MRPS6: variants seen among roughly 807,000 people sequenced by gnomAD.
The protein encoded by MRPS6 is mitochondrial ribosomal protein S6.
MRPS6 carries 6 observed loss-of-function variants against 13.1 expected under a neutral mutation model. The observed-to-expected ratio is 0.46, with a 90% confidence interval of 0.25 to 0.91. MRPS6 has a LOEUF of 0.91. Ranked by LOEUF, MRPS6 falls within the 40% of genes least tolerant of loss-of-function variation. The pLI is 0.18. For missense variants in MRPS6, 164 were observed against 155.6 expected (o/e 1.05, Z -0.29); for synonymous variants, 61 against 56.5 (o/e 1.08, Z -0.36).
intron 1 of MRPS6, among the ~76,000 whole-genome samples, chr21:34,089,774 C>T (rs1978589228): frequency 6.6e-6 from 1 of 152,182 alleles, no homozygotes; most frequent in South Asian, 2.1e-4. Flanking sequence ...CAGAATACAG[C>T]TTCAGCACCA....
chr21:34,084,994 C>T lies in MRPS6; in HGVS notation c.45+11249C>T, dbSNP rs138980726. 5.1e-3 allele frequency among the ~76,000 whole-genome samples: 780 copies of T among 152,252 alleles called. 5 individuals carry two copies. Among genetic ancestry groups the T allele is most frequent in the Non-Finnish European group, 8.8e-3 (599 of 68,018 alleles). ...ACCTTTCTTAGGAATAAGGGCCTTC[C>T]TCCTAACCACAACATAGTCATCACA... On this transcript the variant is annotated intron_variant, in intron 1 of 2. Coordinates refer to ENST00000399312, the MANE Select transcript of MRPS6 (RefSeq NM_032476.4).
chr21:34,090,856 A>T lies in MRPS6; in HGVS notation c.45+17111A>T, dbSNP rs1168566100. 2.0e-5 allele frequency among the ~76,000 whole-genome samples: 3 copies of T among 152,242 alleles called. No individual in the cohort carries two copies. In the South Asian group the frequency reaches 6.2e-4, roughly 32 times the overall value. On this transcript the variant is annotated intron_variant, in intron 1 of 2. Transcript: ENST00000399312. ...GGAGCATGGAACCCAGCCCTTAAAA[A>T]CTGTGCTGTTTTCTTCTGTACCGTG...
intron 1 of MRPS6, chr21:34,104,543 T>G (rs1979393729): frequency 1.0e-6 from 1 of 998,614 alleles, no homozygotes; most frequent in African/African-American, 1.7e-5. Flanking sequence ...CTCTAATATA[T>G]CTAGAAGGAA....
intron 2 of MRPS6, among the ~76,000 whole-genome samples, chr21:34,131,035 C>T (rs147744715): frequency 2.2e-3 from 336 of 152,228 alleles, no homozygotes; most frequent in Admixed American, 3.7e-3. Context: ...AGCACATGGT[C>T]GAAGGTGCTG....
intron 2 of MRPS6, among the ~76,000 whole-genome samples, chr21:34,138,003 A>C (rs1980768111): frequency 1.3e-5 from 2 of 151,980 alleles, no homozygotes; most frequent in South Asian, 4.2e-4. Context: ...GAATTTGCTA[A>C]AATTTTGTTT....
rs1456566799 is a variant in MRPS6 at position 34,100,939 on chromosome 21, A to G, written c.46-24402A>G. The stretch of plus-strand genomic sequence containing the variant: ...TTCCTGCTTGGCAGTGTTAAAGCTT[A>G]CAGGGTTAACTTATGATGATTCTCC... On this transcript the variant is annotated intron_variant, in intron 1 of 2. Transcript: ENST00000399312. The G allele has an allele frequency of 7.0e-6, 7 of 1,000,050 alleles. No homozygotes were observed. The East Asian group carries it at 3.4e-4, about 49-fold the overall frequency. The allele number at this position is 1,000,050 out of a possible 1,614,324, so 61.9% of individuals were successfully genotyped here.
chr21:34,105,675 A>C, intron 1 of MRPS6: 1 of 997,756 alleles, frequency 1.0e-6, no homozygotes, highest in Non-Finnish European at 1.2e-6. Context: ...GTTGATGAAC[A>C]TTAATTTTGT....
chr21:34,100,976 C>T, intron 1 of MRPS6: 1 of 1,000,062 alleles, frequency 1.0e-6, no homozygotes, highest in Non-Finnish European at 1.2e-6. Context: ...GGCTCATTTT[C>T]ATCAGAGGCA....
intron 1 of MRPS6, among the ~76,000 whole-genome samples, chr21:34,109,710 T>A (rs1265964761): frequency 6.6e-6 from 1 of 152,178 alleles, no homozygotes; most frequent in Non-Finnish European, 1.5e-5. Flanking sequence ...TATGGTTGAT[T>A]CTTAGTTTTT....
rs781686164 is a variant in MRPS6 at position 34,097,381 on chromosome 21, CTT to C, written c.45+23637_45+23638del. The C allele has an allele frequency of 2.6e-6, 4 of 1,556,230 alleles. No individual in the cohort carries two copies. In the African/African-American group the frequency reaches 4.2e-5, roughly 16 times the overall value. On this transcript the variant is annotated intron_variant, in intron 1 of 2. Transcript: ENST00000399312. ...ACTTAAGGATATGGTGAGACACTAA[CTT>C]AAGACAATACTGACTGGTCTTTGGG...
intron 1 of MRPS6, among the ~76,000 whole-genome samples, chr21:34,113,465 G>A (rs371547643): frequency 6.6e-6 from 1 of 152,324 alleles, no homozygotes; most frequent in East Asian, 1.9e-4. Context: ...GCCAGACACA[G>A]AAAGACAACA....
chr21:34,074,195 C>CCCGCCGGCTGCCGCCGA (rs1989264506), intron 1 of MRPS6, among the ~76,000 whole-genome samples: 1 of 150,332 alleles, frequency 6.7e-6, no homozygotes, highest in South Asian at 2.1e-4. Context: ...CGCTCCGCCG[C>CCCGCCGGCTGCCGCCGA]CCGCCGGCTG....
intron 1 of MRPS6, among the ~76,000 whole-genome samples, chr21:34,115,092 A>G (rs1458803181): frequency 1.3e-5 from 2 of 152,302 alleles, no homozygotes; most frequent in East Asian, 1.9e-4. Context: ...TCAGCCATGC[A>G]TTATCTCACT....
At chr21:34,079,757 AC>A (rs1989418905) in intron 1 of MRPS6, among the ~76,000 whole-genome samples, 1 of 151,476 alleles carries the variant, frequency 6.6e-6, no homozygotes, top group Admixed American at 6.6e-5. Flanking sequence ...AATTCCATTA[AC>A]CTTCATGTGG....
At chr21:34,102,266 A>G (rs745697248) in intron 1 of MRPS6, 1 of 999,848 alleles carries the variant, frequency 1.0e-6, no homozygotes. Flanking sequence ...TTATTCACTT[A>G]GTAGTCATAT....
chr21:34,135,881 C>A, intron 2 of MRPS6: 1 of 536,314 alleles, frequency 1.9e-6, no homozygotes, highest in Admixed American at 2.5e-5. Flanking sequence ...CGTTTGGCAG[C>A]ATAAGGCCCT....
chr21:34,103,825 C>A, intron 1 of MRPS6: 2 of 999,962 alleles, frequency 2.0e-6, no homozygotes, highest in Non-Finnish European at 2.4e-6. Context: ...GTCAAGAATG[C>A]CAAAATTATA....
chr21:34,119,643 A>G (rs1980051666), intron 1 of MRPS6, among the ~76,000 whole-genome samples: 1 of 152,000 alleles, frequency 6.6e-6, no homozygotes, highest in Non-Finnish European at 1.5e-5. Flanking sequence ...TGTGTGCTTT[A>G]TTTTCTGGGG....
At chr21:34,102,134 GTT>G in intron 1 of MRPS6, 1 of 1,000,144 alleles carries the variant, frequency 1.0e-6, no homozygotes, top group Non-Finnish European at 1.2e-6. Context: ...AATATGGAAT[GTT>G]TTTGTCAGAC....
Sources: allele counts gnomAD v4.1 joint callset (sites outside exome capture counted in the v4.1 genomes callset), GRCh38; gene constraint gnomAD v4.1.1; transcripts MANE v1.5; gene names NCBI Gene and HGNC (gene_info 2026-07-23, HGNC 2026-07-21).